Variants in SRD5A2 observed in about 807,000 individuals in gnomAD.
SRD5A2 encodes the protein 3-oxo-5-alpha-steroid 4-dehydrogenase 2.
SRD5A2 carries 30 observed loss-of-function variants against 27.4 expected under a neutral mutation model. The ratio of observed to expected loss-of-function variants is 1.10; its 90% CI spans 0.82 to 1.49. SRD5A2 has a LOEUF of 1.49. Ranked by LOEUF, SRD5A2 falls within the 40% of genes most tolerant of loss-of-function variation. The probability of loss-of-function intolerance (pLI) is 0.00; values close to 1 mark genes in which losing one functional copy is unlikely to be tolerated. For missense variants in SRD5A2, 348 were observed against 323.4 expected (o/e 1.08, Z -0.58); for synonymous variants, 141 against 133.6 (o/e 1.06, Z -0.38).
the SRD5A2 span, among the ~76,000 whole-genome samples, chr2:31,632,815 G>T: frequency 3.3e-5 from 5 of 152,116 alleles, no homozygotes; most frequent in Admixed American, 3.3e-4. Context: ...GAAAAGCAGG[G>T]GCCATTATAC....
At chr2:31,625,455 T>C in the SRD5A2 span, among the ~76,000 whole-genome samples, 2 of 152,204 alleles carry the variant, frequency 1.3e-5, no homozygotes, top group African/African-American at 4.8e-5. Flanking sequence ...TCCTGAATGG[T>C]ATTGCCTAGG....
chr2:31,592,509 C>A, the SRD5A2 span, among the ~76,000 whole-genome samples: 1 of 152,368 alleles, frequency 6.6e-6, no homozygotes, highest in East Asian at 1.9e-4. Flanking sequence ...AGACCTGAAG[C>A]TGGATCACAT....
At chr2:31,643,986 C>G in the SRD5A2 span, among the ~76,000 whole-genome samples, 1 of 152,040 alleles carries the variant, frequency 6.6e-6, no homozygotes, top group African/African-American at 2.4e-5. Flanking sequence ...ATTCAAATAG[C>G]CTTAAAGAAT....
the SRD5A2 span, among the ~76,000 whole-genome samples, chr2:31,599,043 C>A: frequency 6.6e-6 from 1 of 151,718 alleles, no homozygotes; most frequent in Non-Finnish European, 1.5e-5. Context: ...ACAAAGATTT[C>A]AAGGCAAAAA....
At chr2:31,620,421 T>G in the SRD5A2 span, among the ~76,000 whole-genome samples, 2 of 152,254 alleles carry the variant, frequency 1.3e-5, no homozygotes, top group African/African-American at 4.8e-5. Flanking sequence ...GACATTATTC[T>G]ATATGTAGAA....
At chr2:31,533,318 T>C (rs1258546018) in intron 2 of SRD5A2, among the ~76,000 whole-genome samples, 10 of 151,968 alleles carry the variant, frequency 6.6e-5, no homozygotes, top group Admixed American at 1.3e-4. Flanking sequence ...GGTTGGGAAA[T>C]TGAAAAGACC....
chr2:31,608,401 A>T, the SRD5A2 span, among the ~76,000 whole-genome samples: 8 of 151,946 alleles, frequency 5.3e-5, no homozygotes, highest in Admixed American at 5.3e-4. Flanking sequence ...AAATCTAAAA[A>T]ATAATAGAAT....
chr2:31,583,530 C>T (rs1223500674), upstream of SRD5A2, among the ~76,000 whole-genome samples: 4 of 150,524 alleles, frequency 2.7e-5, no homozygotes, highest in Non-Finnish European at 4.4e-5. Context: ...ACTGAACACC[C>T]TCTTGCAAGC....
chr2:31,548,152 C>T (rs747477850), intron 1 of SRD5A2, among the ~76,000 whole-genome samples: 12 of 151,968 alleles, frequency 7.9e-5, no homozygotes, highest in South Asian at 2.1e-4. Flanking sequence ...TAAAAGAAAA[C>T]GTAGGACAAA....
At chr2:31,594,360 C>A in the SRD5A2 span, among the ~76,000 whole-genome samples, 2 of 152,094 alleles carry the variant, frequency 1.3e-5, no homozygotes, top group Non-Finnish European at 2.9e-5. Flanking sequence ...AGGGAAAAGA[C>A]ATTCCATGCA....
chr2:31,658,576 A>G, the SRD5A2 span, among the ~76,000 whole-genome samples: 1 of 152,062 alleles, frequency 6.6e-6, no homozygotes, highest in Non-Finnish European at 1.5e-5. Flanking sequence ...AAATCCTCAG[A>G]GACTATTACA....
intron 1 of SRD5A2, among the ~76,000 whole-genome samples, chr2:31,535,600 A>ATGCTGTC (rs1313034749): frequency 6.6e-6 from 1 of 152,210 alleles, no homozygotes; most frequent in East Asian, 1.9e-4. Context: ...TAGAAACTAA[A>ATGCTGTC]TGCTGTCTGC....
At chr2:31,662,243 G>A in the SRD5A2 span, among the ~76,000 whole-genome samples, 1 of 152,116 alleles carries the variant, frequency 6.6e-6, no homozygotes, top group African/African-American at 2.4e-5. Context: ...ACATGTTGTA[G>A]AGACACTAAA....
the SRD5A2 span, among the ~76,000 whole-genome samples, chr2:31,593,011 C>G: frequency 1.3e-5 from 2 of 151,504 alleles, no homozygotes; most frequent in East Asian, 3.9e-4. Context: ...ATCGCAAGGA[C>G]AAAAAACCAA....
At chr2:31,534,243 T>A (rs1665977845) in intron 1 of SRD5A2, among the ~76,000 whole-genome samples, 1 of 152,198 alleles carries the variant, frequency 6.6e-6, no homozygotes, top group Non-Finnish European at 1.5e-5. Context: ...CCTTTCTAAT[T>A]ACTCTTGAAT....
chr2:31,585,697 A>G (rs927773012), upstream of SRD5A2, among the ~76,000 whole-genome samples: 1 of 152,172 alleles, frequency 6.6e-6, no homozygotes, highest in Non-Finnish European at 1.5e-5. Flanking sequence ...CTCTGAGACT[A>G]GCTGGTTTCA....
At chr2:31,534,887 A>G (rs1455942732) in intron 1 of SRD5A2, among the ~76,000 whole-genome samples, 1 of 152,140 alleles carries the variant, frequency 6.6e-6, no homozygotes, top group Non-Finnish European at 1.5e-5. Flanking sequence ...TACCTGGATC[A>G]TATGTGAGTG....
intron 1 of SRD5A2, among the ~76,000 whole-genome samples, chr2:31,537,314 T>C (rs1012591317): frequency 2.6e-5 from 4 of 152,328 alleles, no homozygotes; most frequent in East Asian, 3.9e-4. Context: ...CTTTCCTTTA[T>C]AGCAACTCCA....
chr2:31,617,856 C>T, the SRD5A2 span, among the ~76,000 whole-genome samples: 1 of 152,212 alleles, frequency 6.6e-6, no homozygotes, highest in Non-Finnish European at 1.5e-5. Flanking sequence ...CCCACATTTT[C>T]CTGTCTTCTT....
Sources: gnomAD v4.1 joint callset for allele counts (sites outside exome capture counted in the v4.1 genomes callset) on GRCh38, gnomAD v4.1.1 for gene constraint, MANE v1.5 for transcripts, NCBI Gene and HGNC (gene_info 2026-07-23, HGNC 2026-07-21) for gene names.